RPH3A: variants seen among roughly 807,000 people sequenced by gnomAD.
The protein encoded by RPH3A is rabphilin 3A.
In RPH3A, 48 loss-of-function variants were observed where a neutral mutation model predicts 102.2. That is an observed-to-expected ratio of 0.47 (90% CI 0.37 to 0.60). The LOEUF is 0.60. Among genes scored for constraint, RPH3A ranks in the 20% least tolerant of loss-of-function variants. The pLI, the probability that RPH3A is intolerant of heterozygous loss-of-function variation, is 0.00. For missense variants in RPH3A, 781 were observed against 910.1 expected, an observed-to-expected ratio of 0.86 and a Z score of 1.83; for synonymous variants, 310 against 324.3, an observed-to-expected ratio of 0.96 and a Z score of 0.47.
At chr12:112,889,967 C>T (rs1008386783) in intron 17 of RPH3A, 57 bp from the exon 18 acceptor site, 17 of 1,515,056 alleles carry the variant, frequency 1.1e-5, no homozygotes, top group African/African-American at 2.7e-5. Flanking sequence ...GTCCTTCTTG[C>T]GCAGGAAGAT....
intron 1 of RPH3A, among the ~76,000 whole-genome samples, chr12:112,657,657 A>G (rs1330255268): frequency 6.6e-6 from 1 of 152,206 alleles, no homozygotes; most frequent in East Asian, 1.9e-4. Context: ...TTTGTGGTCC[A>G]TCATTGACCT....
chr12:112,736,377 C>T (rs950339035), intron 1 of RPH3A, among the ~76,000 whole-genome samples: 2 of 152,212 alleles, frequency 1.3e-5, no homozygotes, highest in Admixed American at 6.5e-5. Context: ...GATCTTGTCT[C>T]ACTGTGTTGT....
intron 1 of RPH3A, among the ~76,000 whole-genome samples, chr12:112,708,865 C>G (rs548977629): frequency 6.6e-6 from 1 of 152,274 alleles, no homozygotes; most frequent in Non-Finnish European, 1.5e-5. Flanking sequence ...TTCTTTCTCT[C>G]CCAGATCTGG....
intron 5 of RPH3A, among the ~76,000 whole-genome samples, chr12:112,852,206 T>C (rs976512220): frequency 2.5e-4 from 38 of 152,318 alleles, no homozygotes; most frequent in Middle Eastern, 3.4e-3. Context: ...TTCATTAGTC[T>C]GGCCTGAGCT....
Position 112,798,325 on chromosome 12 carries a change from A to AG in RPH3A, c.-19+6069dup, listed in dbSNP as rs145556563. ...TCATGAAGGATTTATTTAGAGAGCG[A>AG]GGGGGGGAAATATCTTCTCATCTCT... On this transcript the variant is annotated intron_variant, in intron 2 of 21. Coordinates refer to ENST00000389385, the MANE Select transcript of RPH3A (RefSeq NM_001143854.2). Among the ~76,000 whole-genome samples, 387 of 152,218 alleles carry AG rather than the reference A, an allele frequency of 2.5e-3. 2 individuals are homozygous for AG. Among genetic ancestry groups the AG allele is most frequent in the African/African-American group, 9.0e-3 (372 of 41,532 alleles).
intron 1 of RPH3A, among the ~76,000 whole-genome samples, chr12:112,701,104 T>C (rs2040390554): frequency 6.6e-6 from 1 of 152,210 alleles, no homozygotes; most frequent in East Asian, 1.9e-4. Flanking sequence ...ATTCAGTCTC[T>C]CAAGCTATGC....
At chr12:112,581,435 A>G (rs2039400286) in intron 1 of RPH3A, among the ~76,000 whole-genome samples, 1 of 152,248 alleles carries the variant, frequency 6.6e-6, no homozygotes, top group Admixed American at 6.5e-5. Context: ...TATGGGAGCC[A>G]TAATTTAAGA....
At chr12:112,794,549 G>A (rs536858823) in intron 2 of RPH3A, among the ~76,000 whole-genome samples, 1 of 152,128 alleles carries the variant, frequency 6.6e-6, no homozygotes, top group Admixed American at 6.5e-5. Flanking sequence ...GCACTTGAAG[G>A]CTCCAAAGAG....
intron 2 of RPH3A, among the ~76,000 whole-genome samples, chr12:112,817,412 A>C (rs1265893996): frequency 6.6e-6 from 1 of 151,964 alleles, no homozygotes. Flanking sequence ...CTCAGCCTTC[A>C]AGGTCCAGCC....
chr12:112,864,589 A>G (rs965250490), intron 5 of RPH3A, among the ~76,000 whole-genome samples: 3 of 152,340 alleles, frequency 2.0e-5, no homozygotes, highest in Admixed American at 6.5e-5. Context: ...GCTGAGGCAG[A>G]CAGAACTGAA....
chr12:112,794,102 C>T (rs56661346), intron 2 of RPH3A, among the ~76,000 whole-genome samples: 2 of 152,200 alleles, frequency 1.3e-5, no homozygotes, highest in African/African-American at 4.8e-5. Context: ...CCTCCCTCCT[C>T]CCCCATCACA....
intron 2 of RPH3A, among the ~76,000 whole-genome samples, chr12:112,822,304 A>G (rs368184059): frequency 3.8e-4 from 58 of 152,382 alleles, no homozygotes; most frequent in African/African-American, 1.4e-3. Context: ...CTCCACGCAG[A>G]CAGCTGCAGC....
chr12:112,656,454 C>T (rs1485837496), intron 1 of RPH3A, among the ~76,000 whole-genome samples: 4 of 152,174 alleles, frequency 2.6e-5, no homozygotes, highest in Non-Finnish European at 5.9e-5. Context: ...TCAGTGTCTT[C>T]CTCAGTTGCA....
At chr12:112,856,013 G>A (rs924427922) in intron 5 of RPH3A, among the ~76,000 whole-genome samples, 1 of 152,206 alleles carries the variant, frequency 6.6e-6, no homozygotes, top group Non-Finnish European at 1.5e-5. Context: ...TCTGAATGGT[G>A]AAATCGTGGT....
chr12:112,793,312 TG>T (rs1208884228), intron 2 of RPH3A, among the ~76,000 whole-genome samples: 1 of 152,254 alleles, frequency 6.6e-6, no homozygotes, highest in Non-Finnish European at 1.5e-5. Context: ...TGAATGCCCT[TG>T]TTTTTAGCAT....
chr12:112,657,543 A>G (rs2040021688), intron 1 of RPH3A, among the ~76,000 whole-genome samples: 1 of 152,176 alleles, frequency 6.6e-6, no homozygotes, highest in Non-Finnish European at 1.5e-5. Context: ...ACCGCAAGCA[A>G]ATGAGTAATG....
intron 1 of RPH3A, among the ~76,000 whole-genome samples, chr12:112,578,136 T>A (rs1310512407): frequency 6.6e-6 from 1 of 152,136 alleles, no homozygotes; most frequent in Non-Finnish European, 1.5e-5. Context: ...TTCAAAGTCA[T>A]TTTGTCCCTA....
chr12:112,618,078 T>G (rs910774033), intron 1 of RPH3A, among the ~76,000 whole-genome samples: 1 of 152,190 alleles, frequency 6.6e-6, no homozygotes, highest in African/African-American at 2.4e-5. Flanking sequence ...TTTGTGATTT[T>G]CCCTATGCCA....
At chr12:112,869,563 G>A in intron 8 of RPH3A, 196 bp from the exon 9 acceptor site, 1 of 603,026 alleles carries the variant, frequency 1.7e-6, no homozygotes, top group Non-Finnish European at 2.9e-6. Flanking sequence ...ATGCTCATAT[G>A]TGTTTGTGCA....
Sources: gnomAD v4.1 joint callset for allele counts (sites outside exome capture counted in the v4.1 genomes callset) on GRCh38, gnomAD v4.1.1 for gene constraint, MANE v1.5 for transcripts, NCBI Gene and HGNC (gene_info 2026-07-23, HGNC 2026-07-21) for gene names.